TRIOBP: variants seen among roughly 807,000 people sequenced by gnomAD.
The protein encoded by TRIOBP is TRIO and F-actin binding protein.
A neutral mutation model predicts 238.8 loss-of-function variants in TRIOBP; 169 were observed. The ratio of observed to expected loss-of-function variants is 0.71; its 90% CI spans 0.62 to 0.80. The LOEUF is 0.80. TRIOBP is among the 30% of genes least tolerant of loss of function. The pLI, the probability that TRIOBP is intolerant of heterozygous loss-of-function variation, is 0.00. For synonymous variants in TRIOBP, 1,150 were observed against 1,274.4 expected, an observed-to-expected ratio of 0.90 and a Z score of 2.08; for missense variants, 2,838 against 3,122.6, an observed-to-expected ratio of 0.91 and a Z score of 2.17.
intron 2 of TRIOBP, among the ~76,000 whole-genome samples, chr22:37,699,131 CAGAG>C (rs1227087145): frequency 6.6e-6 from 1 of 152,130 alleles, no homozygotes; most frequent in African/African-American, 2.4e-5. Context: ...GCCTAGGTGA[CAGAG>C]AGAGACTTCG....
At chr22:37,700,838 C>G (rs950128868) in intron 2 of TRIOBP, among the ~76,000 whole-genome samples, 1 of 152,084 alleles carries the variant, frequency 6.6e-6, no homozygotes. Flanking sequence ...ATTACAGGCA[C>G]GTGCCATCAC....
chr22:37,725,912 C>G lies in TRIOBP; in HGVS notation c.3356C>G (p.Ala1119Gly). Reference protein sequence around the residue: ...PAPVCIGYRDAPRASSPPRQA... With the variant: ...PAPVCIGYRDGPRASSPPRQA... ...CCTGTGTGTATTGGGTACCGAGATG[C>G]ACCCCGGGCCTCCTCCCCACCACGC... Residue 1119 changes from alanine (A) to glycine (G), a missense_variant, in exon 7 of 24, where the codon GCA (alanine) becomes GGA (glycine). This residue lies in a region of TRIOBP where 2,096 missense variants were observed against 2,137.4 expected (regional missense o/e 0.98). Coordinates refer to ENST00000644935, the MANE Select transcript of TRIOBP (RefSeq NM_001039141.3). 6.2e-7 allele frequency: 1 copy of G among 1,613,682 alleles called. No individual in the cohort carries two copies. The highest frequency in any genetic ancestry group is 1.1e-5 in the South Asian group (1 of 91,048).
chr22:37,723,695 C>T lies in TRIOBP; in HGVS notation c.1139C>T (p.Thr380Ile), dbSNP rs758789193. ...TCTPQRENPR[T>I]PCVQQDDPRA... ...ACTCCCCAGCGGGAAAACCCCAGGACACCCTGTGTCCAGCAGGACGATCCC... is the reference window on the plus strand; with the variant it reads ...ACTCCCCAGCGGGAAAACCCCAGGATACCCTGTGTCCAGCAGGACGATCCC... The change falls in exon 7 of 24, where the codon ACA becomes ATA. Residue 380 changes from threonine (T) to isoleucine (I), a missense_variant. Coordinates refer to ENST00000644935, the MANE Select transcript of TRIOBP (RefSeq NM_001039141.3). 6.2e-6 allele frequency: 10 copies of T among 1,613,630 alleles called. No individual in the cohort carries two copies. Among genetic ancestry groups the T allele is most frequent in the Middle Eastern group, 1.6e-4 (1 of 6,080 alleles).
intron 11 of TRIOBP, chr22:37,751,388 G>A (rs556911712): frequency 2.0e-5 from 7 of 358,626 alleles, no homozygotes; most frequent in South Asian, 4.5e-5. Flanking sequence ...TGGACAGTTC[G>A]CGCAGTGCTG....
rs1415888444 is a variant in TRIOBP at position 37,726,079 on chromosome 22, T to C, written c.3523T>C (p.Ser1175Pro). The change falls in exon 7 of 24, where the codon TCA becomes CCA. Residue 1175 changes from serine to proline, a missense_variant. Physicochemically the swap from Ser to Pro is moderately conservative, Grantham distance 74. Transcript: ENST00000644935. ...CIGHRDAPSF[S>P]SPPRQAPEPS... ...TGGGCACCGGGATGCACCCTCCTTC[T>C]CATCCCCACCACGCCAGGCTCCTGA... is the stretch of plus-strand genomic sequence containing the variant. 24 of 1,555,926 alleles carry C rather than the reference T, an allele frequency of 1.5e-5. No homozygotes were observed. The highest frequency in any genetic ancestry group is 2.1e-5 in the Non-Finnish European group (24 of 1,145,626).
chr22:37,771,731 C>A lies in TRIOBP; in HGVS notation c.6931C>A (p.Gln2311Lys). Residue 2311 changes from glutamine to lysine, a missense_variant, in exon 22 of 24, where the codon CAG becomes AAG. This residue lies in a region of TRIOBP where 2,096 missense variants were observed against 2,137.4 expected (regional missense o/e 0.98). Coordinates refer to ENST00000644935, the MANE Select transcript of TRIOBP (RefSeq NM_001039141.3). The stretch of plus-strand genomic sequence containing the variant: ...CCTCCGGGACGAGCTCCAGATGATG[C>A]AGAAGGTAGGTCCTTCCGCTGGGCT... ...QCLRDELQMMQKDKRFTSGKY... is the reference protein window; with the variant it reads ...QCLRDELQMMKKDKRFTSGKY... 6.2e-7 allele frequency: 1 copy of A among 1,614,088 alleles called. No homozygotes were observed. The highest frequency in any genetic ancestry group is 1.1e-5 in the South Asian group (1 of 91,086).
Position 37,724,505 on chromosome 22 carries a change from C to T in TRIOBP, c.1949C>T (p.Thr650Ile), listed in dbSNP as rs772923192. 1.8e-5 allele frequency: 29 copies of T among 1,604,746 alleles called. No individual in the cohort carries two copies. The Admixed American group carries it at 2.7e-4, about 15-fold the overall frequency. ...NRTTQQDSPRTSCARRDDPRA... is the reference protein window; with the variant it reads ...NRTTQQDSPRISCARRDDPRA... The stretch of plus-strand genomic sequence containing the variant: ...ACCACCCAACAAGACAGCCCCAGAA[C>T]ATCCTGTGCCCGACGGGACGATCCC... Residue 650 changes from threonine (T) to isoleucine (I), a missense_variant, in exon 7 of 24, where the codon ACA becomes ATA. Physicochemically the swap from Thr to Ile is moderately conservative, Grantham distance 89. Transcript: ENST00000644935.
chr22:37,769,429 A>G (rs577126169), intron 21 of TRIOBP, 54 bp downstream of exon 21: 19 of 1,487,774 alleles, frequency 1.3e-5, no homozygotes, highest in Middle Eastern at 2.0e-4. Flanking sequence ...GCCCGGGGCT[A>G]TGGGGCACCC....
intron 3 of TRIOBP, among the ~76,000 whole-genome samples, chr22:37,704,446 A>ACAGAACAG: frequency 1.2e-4 from 10 of 82,566 alleles, no homozygotes; most frequent in African/African-American, 3.0e-4. Flanking sequence ...ACAGTACAGA[A>ACAGAACAG]AACAGGGAGA....
At chr22:37,713,512 C>A in intron 5 of TRIOBP, 101 bp downstream of exon 5, 1 of 1,439,252 alleles carries the variant, frequency 6.9e-7, no homozygotes, top group Non-Finnish European at 9.7e-7. Flanking sequence ...AGCCTCACAC[C>A]AGGGAATCCG....
At chr22:37,750,813 T>A (rs2145861132) in intron 11 of TRIOBP, 1 of 454,634 alleles carries the variant, frequency 2.2e-6, no homozygotes, top group Non-Finnish European at 4.6e-6. Flanking sequence ...GTGGCTGTGG[T>A]TTCCAGCTGC....
intron 22 of TRIOBP, 107 bp downstream of exon 22, chr22:37,771,843 C>T (rs2145884832): frequency 2.0e-6 from 2 of 977,838 alleles, no homozygotes; most frequent in East Asian, 5.2e-5. Flanking sequence ...TTCATCCTTC[C>T]TCAGGCTCTC....
intron 6 of TRIOBP, among the ~76,000 whole-genome samples, chr22:37,719,286 G>A (rs1057193192): frequency 1.3e-5 from 2 of 151,914 alleles, no homozygotes; most frequent in Admixed American, 6.6e-5. Context: ...AGAGGTTTAG[G>A]AGGCAGACTT....
At chr22:37,728,944 C>G (rs965559522) in intron 7 of TRIOBP, among the ~76,000 whole-genome samples, 2 of 152,006 alleles carry the variant, frequency 1.3e-5, no homozygotes, top group Non-Finnish European at 2.9e-5. Context: ...GAGATGGAGT[C>G]TCGCTCTGTC....
chr22:37,766,326 C>T (rs954237032), intron 18 of TRIOBP, among the ~76,000 whole-genome samples: 2 of 152,268 alleles, frequency 1.3e-5, no homozygotes. Context: ...CCACCGCACA[C>T]CTGCTGTGTG....
rs748905646 is a variant in TRIOBP at position 37,751,540 on chromosome 22, C to G, written c.5323-232C>G. On this transcript the variant is annotated intron_variant, in intron 11 of 23. Transcript: ENST00000644935. Reference sequence around the variant, plus strand: ...GGGTGTGTGTGCCAGCCACCCAGCCCAACTTCTTGGCTCTCTGAGTGCCAC... The same window carrying G: ...GGGTGTGTGTGCCAGCCACCCAGCCGAACTTCTTGGCTCTCTGAGTGCCAC... 117 of 579,676 alleles carry G rather than the reference C, an allele frequency of 2.0e-4. No individual in the cohort carries two copies. In the Middle Eastern group the frequency reaches 4.8e-3, roughly 24 times the overall value. 35.9% of individuals were successfully genotyped at this position (579,676 alleles called of 1,614,324 possible). A position where few individuals can be genotyped will look rare whatever the true frequency, so the allele number is the denominator to read the frequency against.
At position 37,738,692 on chromosome 22, in the gene TRIOBP, C is replaced by G. The variant is rs762960538; in HGVS notation, c.5157C>G (p.Pro1719=). Residue 1719 remains proline (P), a synonymous_variant, in exon 10 of 24, where the codon CCC becomes CCG. Coordinates refer to ENST00000644935, the MANE Select transcript of TRIOBP (RefSeq NM_001039141.3). ...EESEPSRGQD[P]LTDQKQADSA... ...CAGAACCAAGCAGAGGCCAAGACCCCCTGACTGACCAGAAGCAGGCAGACT... is the reference window on the plus strand; with the variant it reads ...CAGAACCAAGCAGAGGCCAAGACCCGCTGACTGACCAGAAGCAGGCAGACT... The G allele has an allele frequency of 5.6e-6, 9 of 1,613,754 alleles. No individual in the cohort carries two copies. The East Asian group carries it at 1.8e-4, about 32-fold the overall frequency.
chr22:37,737,585 C>T lies in TRIOBP; in HGVS notation c.5107-1057C>T, dbSNP rs372801151. The stretch of plus-strand genomic sequence containing the variant: ...CTAAGACAGGAGAATGGTGTGAACC[C>T]GGGAGGTGGAAGTTGCAGTGAGCCG... On this transcript the variant is annotated intron_variant, in intron 9 of 23. Transcript: ENST00000644935. 3.6e-4 allele frequency among the ~76,000 whole-genome samples: 53 copies of T among 145,780 alleles called. No individual in the cohort carries two copies. The East Asian group carries it at 7.3e-3, about 20-fold the overall frequency.
At chr22:37,700,877 A>G (rs1922610101) in intron 2 of TRIOBP, among the ~76,000 whole-genome samples, 1 of 152,058 alleles carries the variant, frequency 6.6e-6, no homozygotes, top group Admixed American at 6.5e-5. Flanking sequence ...TTTTTAGTAG[A>G]GACAGGGTTT....
Sources: gnomAD v4.1 joint callset for allele counts (sites outside exome capture counted in the v4.1 genomes callset) on GRCh38, gnomAD v4.1.1 for gene constraint, gnomAD v4.1.1 regional missense constraint, MANE v1.5 for transcripts, NCBI Gene and HGNC (gene_info 2026-07-23, HGNC 2026-07-21) for gene names.